The following CD8B2 variants were observed in gnomAD, a reference collection of about 807,000 sequenced individuals.
The protein encoded by CD8B2 is CD8B family member 2, also known as T-cell surface glycoprotein CD8 beta-2 chain.
In CD8B2, 11 loss-of-function variants were observed where a neutral mutation model predicts 23.7. The ratio of observed to expected loss-of-function variants is 0.46; its 90% CI spans 0.29 to 0.77. The LOEUF (loss-of-function observed/expected upper bound fraction) is 0.77, where lower values mean the gene tolerates loss of function less well. CD8B2 is among the 30% of genes least tolerant of loss of function. The pLI is 0.09. For synonymous variants in CD8B2, 90 were observed against 109.3 expected (o/e 0.82, Z 1.10); for missense variants, 197 against 270.5 (o/e 0.73, Z 1.91).
intron 2 of CD8B2, among the ~76,000 whole-genome samples, chr2:106,491,514 G>A (rs541426296): frequency 3.3e-5 from 5 of 152,258 alleles, no homozygotes; most frequent in South Asian, 2.1e-4. Context: ...ACGGGTCAGC[G>A]TCAGAGATGA....
chr2:106,493,551 C>CT (rs11379986), intron 2 of CD8B2, among the ~76,000 whole-genome samples: 149,563 of 152,004 alleles, frequency 0.98, 73,628 homozygotes, highest in East Asian at 1. Flanking sequence ...AACAGAACTA[C>CT]TCTAGGGCCG....
chr2:106,490,475 T>C (rs1252520344), intron 1 of CD8B2, among the ~76,000 whole-genome samples: 1 of 152,164 alleles, frequency 6.6e-6, no homozygotes. Flanking sequence ...TGAAGTGTAC[T>C]ATGATAGTGC....
At chr2:106,530,065 C>G (rs1679970051) in intron 5 of CD8B2, among the ~76,000 whole-genome samples, 1 of 152,224 alleles carries the variant, frequency 6.6e-6, no homozygotes, top group Non-Finnish European at 1.5e-5. Context: ...GTTGTAGGAA[C>G]AGAAGGTAGT....
At chr2:106,488,120 A>G (rs929263360) in intron 1 of CD8B2, among the ~76,000 whole-genome samples, 1 of 151,862 alleles carries the variant, frequency 6.6e-6, no homozygotes, top group African/African-American at 2.4e-5. Context: ...GCCTCCACAC[A>G]CCCGGAAAAC....
chr2:106,539,280 C>G (rs1680137459), intron 5 of CD8B2, among the ~76,000 whole-genome samples: 1 of 152,158 alleles, frequency 6.6e-6, no homozygotes, highest in South Asian at 2.1e-4. Flanking sequence ...ATCACAGCAC[C>G]TAGCACAGGG....
At chr2:106,532,037 C>T (rs1009156436) in intron 5 of CD8B2, among the ~76,000 whole-genome samples, 6 of 152,214 alleles carry the variant, frequency 3.9e-5, no homozygotes, top group African/African-American at 1.4e-4. Flanking sequence ...TATTGCACAC[C>T]CAACCGCCCT....
At position 106,487,814 on chromosome 2, in the gene CD8B2, C is replaced by A. The variant is rs547862700; in HGVS notation, c.43+345C>A. On this transcript the variant is annotated intron_variant, in intron 1 of 5. Transcript: ENST00000643224. ...AAGGAAACAGGTCCCTGCCCAGGGT[C>A]CCCGCAGGATGTGCTCGGAGGAAGG... 2.3e-3 allele frequency among the ~76,000 whole-genome samples: 351 copies of A among 152,244 alleles called. 1 individual carries two copies. Among genetic ancestry groups the A allele is most frequent in the Non-Finnish European group, 4.1e-3 (281 of 68,028 alleles).
At chr2:106,542,327 A>G (rs543597622) in intron 5 of CD8B2, among the ~76,000 whole-genome samples, 50 of 152,328 alleles carry the variant, frequency 3.3e-4, no homozygotes, top group South Asian at 8.3e-4. Context: ...TTTGGAAACT[A>G]AAAGAGTGAC....
At chr2:106,533,787 G>A (rs537675069) in intron 5 of CD8B2, among the ~76,000 whole-genome samples, 25 of 152,310 alleles carry the variant, frequency 1.6e-4, no homozygotes, top group African/African-American at 5.1e-4. Context: ...AGAGTTCCTC[G>A]GCAAACAGCT....
chr2:106,510,157 A>G lies in CD8B2; in HGVS notation c.*3217A>G, dbSNP rs1487244660. 6.6e-6 allele frequency: 1 copy of G among 152,250 alleles called. No homozygotes were observed. The highest frequency in any genetic ancestry group is 1.5e-5 in the Non-Finnish European group (1 of 68,044). The allele number at this position is 152,250 out of a possible 1,614,324, so 9.4% of individuals were successfully genotyped here. Reference sequence around the variant, plus strand: ...AATTCAAGCACAGAAGAAAACAAGCAAAACAAATATATGTTGTTAGAAGTT... The same window carrying G: ...AATTCAAGCACAGAAGAAAACAAGCGAAACAAATATATGTTGTTAGAAGTT... On this transcript the variant is annotated 3_prime_UTR_variant, in exon 6 of 6. Coordinates refer to ENST00000643224, the MANE Select transcript of CD8B2 (RefSeq NM_001349727.2).
intron 5 of CD8B2, among the ~76,000 whole-genome samples, chr2:106,520,353 G>A (rs1679805010): frequency 6.6e-6 from 1 of 152,148 alleles, no homozygotes; most frequent in Non-Finnish European, 1.5e-5. Context: ...TTGCCTGCCT[G>A]CCCCACAGTC....
intron 5 of CD8B2, among the ~76,000 whole-genome samples, chr2:106,526,660 T>C (rs908796301): frequency 3.9e-5 from 6 of 152,354 alleles, no homozygotes; most frequent in African/African-American, 1.4e-4. Flanking sequence ...TTTTCTTTTT[T>C]CCTTTTTGAG....
At chr2:106,517,318 A>G (rs1402272002) in intron 5 of CD8B2, among the ~76,000 whole-genome samples, 1 of 152,026 alleles carries the variant, frequency 6.6e-6, no homozygotes, top group African/African-American at 2.4e-5. Context: ...CCCCATTTCA[A>G]GTTACAGACT....
At chr2:106,529,590 C>T (rs756612727) in intron 5 of CD8B2, among the ~76,000 whole-genome samples, 6 of 152,306 alleles carry the variant, frequency 3.9e-5, no homozygotes, top group Non-Finnish European at 8.8e-5. Context: ...TAAATCCATC[C>T]ATTTTCCTTT....
intron 5 of CD8B2, among the ~76,000 whole-genome samples, chr2:106,518,448 G>A (rs1230872128): frequency 6.6e-6 from 1 of 152,172 alleles, no homozygotes; most frequent in Non-Finnish European, 1.5e-5. Context: ...ATGAAAAAGT[G>A]ATAGGTTCTG....
chr2:106,538,459 G>A (rs1457739344), intron 5 of CD8B2, among the ~76,000 whole-genome samples: 1 of 152,126 alleles, frequency 6.6e-6, no homozygotes, highest in African/African-American at 2.4e-5. Flanking sequence ...CTTAGGACTT[G>A]AGCATCTACT....
intron 1 of CD8B2, among the ~76,000 whole-genome samples, chr2:106,489,569 T>A (rs79542679): frequency 6.6e-6 from 1 of 152,132 alleles, no homozygotes; most frequent in African/African-American, 2.4e-5. Context: ...TGGCCTGCAA[T>A]GTCTCCCTTT....
At chr2:106,490,663 A>G (rs1679176212) in intron 1 of CD8B2, among the ~76,000 whole-genome samples, 1 of 152,278 alleles carries the variant, frequency 6.6e-6, no homozygotes, top group Non-Finnish European at 1.5e-5. Flanking sequence ...TGAACTTAGC[A>G]AACACCTGCC....
chr2:106,523,123 T>A (rs950467554), intron 5 of CD8B2, among the ~76,000 whole-genome samples: 1 of 152,312 alleles, frequency 6.6e-6, no homozygotes, highest in African/African-American at 2.4e-5. Flanking sequence ...TATGGCAGTC[T>A]GCTGATCCTA....
Sources: gnomAD v4.1 joint callset for allele counts (sites outside exome capture counted in the v4.1 genomes callset) on GRCh38, gnomAD v4.1.1 for gene constraint, MANE v1.5 for transcripts, NCBI Gene and HGNC (gene_info 2026-07-23, HGNC 2026-07-21) for gene names.